The following RNF168 variants were observed in gnomAD, a reference collection of about 807,000 sequenced individuals.
The protein encoded by RNF168 is ring finger protein 168.
RNF168 carries 34 observed loss-of-function variants against 34.9 expected under a neutral mutation model. The ratio of observed to expected loss-of-function variants is 0.97; its 90% CI spans 0.74 to 1.30. RNF168 has a LOEUF of 1.30. RNF168 is among the 50% of genes most tolerant of loss of function. The pLI is 0.00. For synonymous variants in RNF168, 264 were observed against 254.7 expected (o/e 1.04, Z -0.35); for missense variants, 725 against 682.5 (o/e 1.06, Z -0.69).
At chr3:196,474,608 C>A (rs1732096276) in intron 5 of RNF168, among the ~76,000 whole-genome samples, 1 of 151,948 alleles carries the variant, frequency 6.6e-6, no homozygotes, top group Non-Finnish European at 1.5e-5. Context: ...CCACCACACC[C>A]GGCTAATTTT....
chr3:196,471,783 C>T lies in RNF168; in HGVS notation c.*36G>A. 1 of 1,333,794 alleles carries T rather than the reference C, an allele frequency of 7.5e-7. No homozygotes were observed. The highest frequency in any genetic ancestry group is 1.1e-6 in the Non-Finnish European group (1 of 924,954). 82.6% of individuals were successfully genotyped at this position (1,333,794 alleles called of 1,614,324 possible). A position where few individuals can be genotyped will look rare whatever the true frequency, so the allele number is the denominator to read the frequency against. On this transcript the variant is annotated 3_prime_UTR_variant, in exon 6 of 6. Coordinates refer to ENST00000318037, the MANE Select transcript of RNF168 (RefSeq NM_152617.4). ...GATAGGAAAGAGCTTCACATTCCAGCTTTACTAGATCACAAAGCACTCCCT... is the reference window on the plus strand; with the variant it reads ...GATAGGAAAGAGCTTCACATTCCAGTTTTACTAGATCACAAAGCACTCCCT...
intron 4 of RNF168, among the ~76,000 whole-genome samples, chr3:196,475,552 C>CCT (rs1553861054): frequency 7.5e-6 from 1 of 133,452 alleles, no homozygotes; most frequent in Non-Finnish European, 1.5e-5. Context: ...AATATTTTTT[C>CCT]TTTTTTTTTT....
At chr3:196,485,032 C>T (rs914369595) in intron 3 of RNF168, among the ~76,000 whole-genome samples, 2 of 151,838 alleles carry the variant, frequency 1.3e-5, no homozygotes, top group African/African-American at 2.4e-5. Context: ...GTGGATATAC[C>T]CAAAAGAATA....
intron 1 of RNF168, among the ~76,000 whole-genome samples, chr3:196,501,315 G>A: frequency 6.6e-6 from 1 of 152,086 alleles, no homozygotes; most frequent in African/African-American, 2.4e-5. Flanking sequence ...ACGAAAAGGT[G>A]AAAAAAACCA....
At chr3:196,477,428 A>G (rs1443396142) in intron 4 of RNF168, among the ~76,000 whole-genome samples, 2 of 152,238 alleles carry the variant, frequency 1.3e-5, no homozygotes, top group African/African-American at 4.8e-5. Context: ...ATCTCATATA[A>G]AGAACTAATG....
chr3:196,471,200 A>T lies in RNF168; in HGVS notation c.*619T>A, dbSNP rs1231489917. The T allele has an allele frequency of 5.1e-4, 37 of 73,094 alleles. No homozygotes were observed. The highest frequency in any genetic ancestry group is 3.3e-3 in the African/African-American group (33 of 10,024). 4.5% of individuals were successfully genotyped at this position (73,094 alleles called of 1,614,324 possible). On this transcript the variant is annotated 3_prime_UTR_variant, in exon 6 of 6. Coordinates refer to ENST00000318037, the MANE Select transcript of RNF168 (RefSeq NM_152617.4). ...GACAGAGCAAGACTCTGTCTCCAAA[A>T]AAAAAAAAAAAAAAAAAAAAAAAAA...
chr3:196,487,799 T>G (rs576367754), intron 2 of RNF168, among the ~76,000 whole-genome samples: 3 of 152,322 alleles, frequency 2.0e-5, no homozygotes, highest in East Asian at 1.9e-4. Flanking sequence ...ACACCTAGCC[T>G]GAGATGTATT....
intron 1 of RNF168, among the ~76,000 whole-genome samples, chr3:196,496,639 T>C (rs1732749530): frequency 6.6e-6 from 1 of 152,244 alleles, no homozygotes; most frequent in Admixed American, 6.5e-5. Context: ...CCCCAAATTG[T>C]TCTATTAAGT....
intron 1 of RNF168, among the ~76,000 whole-genome samples, chr3:196,490,238 A>T (rs946702332): frequency 2.6e-5 from 4 of 152,216 alleles, no homozygotes; most frequent in African/African-American, 9.6e-5. Context: ...GTCAGAAAAT[A>T]ACCTAAATGT....
chr3:196,469,311 T>C lies in RNF168; in HGVS notation c.*2508A>G, dbSNP rs1731945438. On this transcript the variant is annotated 3_prime_UTR_variant, in exon 6 of 6. Coordinates refer to ENST00000318037, the MANE Select transcript of RNF168 (RefSeq NM_152617.4). Reference sequence around the variant, plus strand: ...GTGATAGTATAGTTGCAAGCTATACTTCATTTAACTACAATCATTACTCAG... The same window carrying C: ...GTGATAGTATAGTTGCAAGCTATACCTCATTTAACTACAATCATTACTCAG... 1.3e-5 allele frequency: 2 copies of C among 152,208 alleles called. No homozygotes were observed. Among genetic ancestry groups the C allele is most frequent in the African/African-American group, 4.8e-5 (2 of 41,452 alleles). The allele number at this position is 152,208 out of a possible 1,614,324, so 9.4% of individuals were successfully genotyped here. A position where few individuals can be genotyped will look rare whatever the true frequency, so the allele number is the denominator to read the frequency against.
intron 1 of RNF168, among the ~76,000 whole-genome samples, chr3:196,500,092 G>T (rs1732842894): frequency 6.6e-6 from 1 of 152,146 alleles, no homozygotes; most frequent in South Asian, 2.1e-4. Flanking sequence ...AAAACAGTAT[G>T]GCGGTTTCCA....
intron 4 of RNF168, among the ~76,000 whole-genome samples, chr3:196,476,897 G>A (rs140677558): frequency 0.016 from 2,448 of 151,866 alleles, 64 homozygotes; most frequent in African/African-American, 0.056. Context: ...ACAGGCACAC[G>A]CCACCATGCC....
rs975595032 is a variant in RNF168 at position 196,503,490 on chromosome 3, G to C, written c.-317C>G. ...ATGAACACCGCGGCTGCGGCTCCCG[G>C]GGCAGCGAGGGGAACGCGCCAAGTC... On this transcript the variant is annotated 5_prime_UTR_variant, in exon 1 of 6. Transcript: ENST00000318037. The C allele has an allele frequency of 1.0e-5, 4 of 398,292 alleles. No homozygotes were observed. The highest frequency in any genetic ancestry group is 4.1e-5 in the African/African-American group (2 of 48,454). 24.7% of individuals were successfully genotyped at this position (398,292 alleles called of 1,614,324 possible).
chr3:196,473,083 A>G (rs188380033), intron 5 of RNF168, among the ~76,000 whole-genome samples: 4 of 152,230 alleles, frequency 2.6e-5, no homozygotes, highest in Admixed American at 2.6e-4. Context: ...AATTTAGATT[A>G]AGCTATTACT....
chr3:196,488,628 T>C lies in RNF168; in HGVS notation c.357A>G (p.Glu119=). Residue 119 remains glutamate, a synonymous_variant, in exon 2 of 6, where the codon GAA becomes GAG. Transcript: ENST00000318037. ...CTACCTTGCTTATTTCCTCTTCATA[T>C]TCTCTTCTCAGTTCCCCAGGTTTAC... is the stretch of plus-strand genomic sequence containing the variant. ...LLSKPGELRR[E]YEEEISKVAA... is the part of the protein sequence containing the mutation. 6.2e-7 allele frequency: 1 copy of C among 1,604,400 alleles called. No individual in the cohort carries two copies. The highest frequency in any genetic ancestry group is 8.5e-7 in the Non-Finnish European group (1 of 1,171,422).
chr3:196,483,647 C>T, intron 4 of RNF168, 123 bp downstream of exon 4: 1 of 842,582 alleles, frequency 1.2e-6, no homozygotes, highest in Non-Finnish European at 2.0e-6. Context: ...TTACCTCAAC[C>T]TCAGACTATT....
intron 1 of RNF168, among the ~76,000 whole-genome samples, chr3:196,502,054 G>GAAAAAAAAAAA (rs554041803): frequency 8.0e-4 from 40 of 50,058 alleles, no homozygotes; most frequent in Non-Finnish European, 1.0e-3. Flanking sequence ...AAAAAAATTA[G>GAAAAAAAAAAA]AAAAAAAAAA....
At chr3:196,501,558 G>A (rs538229535) in intron 1 of RNF168, among the ~76,000 whole-genome samples, 18 of 152,240 alleles carry the variant, frequency 1.2e-4, no homozygotes, top group Admixed American at 2.0e-4. Flanking sequence ...GCCGAGGCTG[G>A]GGGGAAAGGT....
intron 1 of RNF168, among the ~76,000 whole-genome samples, chr3:196,501,802 G>A (rs571943517): frequency 8.7e-4 from 132 of 152,000 alleles, no homozygotes; most frequent in Non-Finnish European, 1.6e-3. Flanking sequence ...ATGTTACCCA[G>A]ACCGGCCTCA....
Sources: gnomAD v4.1 joint callset for allele counts (sites outside exome capture counted in the v4.1 genomes callset) on GRCh38, gnomAD v4.1.1 for gene constraint, MANE v1.5 for transcripts, NCBI Gene and HGNC (gene_info 2026-07-23, HGNC 2026-07-21) for gene names.